The following TENM3 variants were observed in gnomAD, a reference collection of about 807,000 sequenced individuals.
TENM3 encodes the protein teneurin-3.
TENM3 carries 63 observed loss-of-function variants against 255.1 expected under a neutral mutation model. The observed-to-expected ratio is 0.25, with a 90% CI of 0.20 to 0.30. The LOEUF (loss-of-function observed/expected upper bound fraction) is 0.30. TENM3 is among the 10% of genes least tolerant of loss of function. TENM3 has a pLI of 1.00. For missense variants in TENM3, 2,929 were observed against 3,461.1 expected, an observed-to-expected ratio of 0.85 and a Z score of 3.86; for synonymous variants, 1,306 against 1,322.3, an observed-to-expected ratio of 0.99 and a Z score of 0.27.
the TENM3 span, among the ~76,000 whole-genome samples, chr4:181,663,943 A>G: frequency 6.6e-6 from 1 of 152,058 alleles, no homozygotes; most frequent in African/African-American, 2.4e-5. Context: ...TTCTTCCACA[A>G]TTATCTTTGA....
the TENM3 span, among the ~76,000 whole-genome samples, chr4:181,593,547 T>C: frequency 6.6e-6 from 1 of 152,204 alleles, no homozygotes; most frequent in South Asian, 2.1e-4. Context: ...GATCTTGCAA[T>C]GGAAACCAGT....
At chr4:182,542,752 G>A (rs1041400329) in intron 3 of TENM3, among the ~76,000 whole-genome samples, 3 of 152,150 alleles carry the variant, frequency 2.0e-5, no homozygotes, top group Non-Finnish European at 4.4e-5. Flanking sequence ...TTCTTACAAA[G>A]TCAGTGAGAT....
At chr4:182,762,041 T>C (rs1763242102) in intron 22 of TENM3, among the ~76,000 whole-genome samples, 1 of 152,184 alleles carries the variant, frequency 6.6e-6, no homozygotes, top group Non-Finnish European at 1.5e-5. Flanking sequence ...TTAAAAATCA[T>C]TAGTTCTGCC....
the TENM3 span, among the ~76,000 whole-genome samples, chr4:181,808,639 A>G: frequency 6.6e-6 from 1 of 152,184 alleles, no homozygotes; most frequent in African/African-American, 2.4e-5. Context: ...TATTCCCTTC[A>G]ATTCATAAAG....
chr4:182,100,461 A>ATG, the TENM3 span, among the ~76,000 whole-genome samples: 1 of 127,732 alleles, frequency 7.8e-6, no homozygotes, highest in South Asian at 2.4e-4. Flanking sequence ...ATATATATAT[A>ATG]TATATACACA....
At chr4:182,072,993 A>G in the TENM3 span, among the ~76,000 whole-genome samples, 1 of 152,248 alleles carries the variant, frequency 6.6e-6, no homozygotes, top group African/African-American at 2.4e-5. Flanking sequence ...AAGAGACACC[A>G]GAGGCCCAAA....
the TENM3 span, among the ~76,000 whole-genome samples, chr4:181,843,517 A>G: frequency 6.6e-6 from 1 of 152,210 alleles, no homozygotes; most frequent in Non-Finnish European, 1.5e-5. Flanking sequence ...CTTTCATCAC[A>G]GTAAGTGTTG....
At chr4:182,266,231 G>A (rs561892187) in intron 1 of TENM3, among the ~76,000 whole-genome samples, 6 of 152,334 alleles carry the variant, frequency 3.9e-5, no homozygotes, top group Admixed American at 3.9e-4. Context: ...AATTAAAACT[G>A]TTAAAGTAAC....
intron 1 of TENM3, among the ~76,000 whole-genome samples, chr4:182,237,203 A>G (rs1314632072): frequency 1.3e-5 from 2 of 152,162 alleles, no homozygotes; most frequent in Non-Finnish European, 2.9e-5. Flanking sequence ...ATGGGTGCGT[A>G]GTATTCCATG....
chr4:182,268,786 A>G (rs552052091), intron 1 of TENM3, among the ~76,000 whole-genome samples: 1 of 152,288 alleles, frequency 6.6e-6, no homozygotes, highest in East Asian at 1.9e-4. Context: ...ATATGGTCTA[A>G]AAAGGGGAGG....
intron 6 of TENM3, among the ~76,000 whole-genome samples, chr4:182,669,098 C>A (rs570629410): frequency 6.6e-6 from 1 of 152,180 alleles, no homozygotes; most frequent in African/African-American, 2.4e-5. Context: ...AAACTATGTT[C>A]ATATTAAAAT....
chr4:181,872,108 T>A, the TENM3 span, among the ~76,000 whole-genome samples: 26 of 152,060 alleles, frequency 1.7e-4, no homozygotes. Flanking sequence ...TTCCTCCTTT[T>A]GTGTTTTCTT....
At chr4:181,936,593 C>T in the TENM3 span, among the ~76,000 whole-genome samples, 1 of 151,994 alleles carries the variant, frequency 6.6e-6, no homozygotes, top group South Asian at 2.1e-4. Context: ...TGGGGGTGAA[C>T]AAGACAGTCT....
the TENM3 span, among the ~76,000 whole-genome samples, chr4:181,669,662 C>T: frequency 6.6e-6 from 1 of 152,144 alleles, no homozygotes; most frequent in Non-Finnish European, 1.5e-5. Context: ...CACAGAGGAA[C>T]CTACAAGAAC....
chr4:182,039,629 C>T, the TENM3 span, among the ~76,000 whole-genome samples: 1 of 152,052 alleles, frequency 6.6e-6, no homozygotes, highest in African/African-American at 2.4e-5. Flanking sequence ...TAGATATGCA[C>T]ATATACATAC....
chr4:181,648,532 G>C, the TENM3 span, among the ~76,000 whole-genome samples: 2 of 152,148 alleles, frequency 1.3e-5, no homozygotes, highest in Non-Finnish European at 2.9e-5. Flanking sequence ...GCAGTTTCTC[G>C]AGTGAGCAAG....
At position 182,751,859 on chromosome 4, in the gene TENM3, T is replaced by C. The variant is rs201611378; in HGVS notation, c.3689T>C (p.Val1230Ala). 5 of 1,613,924 alleles carry C rather than the reference T, an allele frequency of 3.1e-6. No homozygotes were observed. The highest frequency in any genetic ancestry group is 4.2e-6 in the Non-Finnish European group (5 of 1,179,878). Reference protein sequence around the residue: ...ATDPVTGDLYVSDTNTRRIYR... With the variant: ...ATDPVTGDLYASDTNTRRIYR... ...GATCCAGTCACGGGAGATCTGTACG[T>C]TTCTGACACAAACACCCGCAGAATT... Residue 1230 changes from valine to alanine, a missense_variant, in exon 20 of 28, where the codon GTT (valine) becomes GCT (alanine). Transcript: ENST00000511685.
chr4:182,450,803 A>T (rs1334611889), intron 3 of TENM3, among the ~76,000 whole-genome samples: 1 of 152,248 alleles, frequency 6.6e-6, no homozygotes, highest in Non-Finnish European at 1.5e-5. Context: ...ATAGTGCTGT[A>T]TAAGAGCGTT....
chr4:182,396,668 GAAAC>G (rs929004620), intron 3 of TENM3, among the ~76,000 whole-genome samples: 2 of 152,136 alleles, frequency 1.3e-5, no homozygotes, highest in Non-Finnish European at 2.9e-5. Flanking sequence ...TTATATAAAA[GAAAC>G]AAATCCTGAC....
Sources: allele counts gnomAD v4.1 joint callset (sites outside exome capture counted in the v4.1 genomes callset), GRCh38; gene constraint gnomAD v4.1.1; transcripts MANE v1.5; gene names NCBI Gene and HGNC (gene_info 2026-07-23, HGNC 2026-07-21).